Variants in REXO5 observed in about 807,000 individuals in gnomAD.
REXO5 encodes the protein RNA exonuclease 5, also known as exonuclease NEF-sp.
In REXO5, 48 loss-of-function variants were observed where a neutral mutation model predicts 88.5. The ratio of observed to expected loss-of-function variants is 0.54; its 90% CI spans 0.43 to 0.69. The LOEUF (loss-of-function observed/expected upper bound fraction) is 0.69. Among genes scored for constraint, REXO5 ranks in the 30% least tolerant of loss-of-function variants. REXO5 has a pLI of 0.00. For missense variants in REXO5, 749 were observed against 912.2 expected (o/e 0.82, Z 2.30); for synonymous variants, 311 against 336.5 (o/e 0.92, Z 0.83).
intron 18 of REXO5, among the ~76,000 whole-genome samples, chr16:20,845,464 T>G (rs571986679): frequency 6.6e-6 from 1 of 152,268 alleles, no homozygotes; most frequent in African/African-American, 2.4e-5. Context: ...CAAGGGACTT[T>G]GAAGGACAAA....
At chr16:20,839,725 A>G in intron 13 of REXO5, 30 bp from the exon 14 acceptor site, 1 of 1,507,426 alleles carries the variant, frequency 6.6e-7, no homozygotes, top group Non-Finnish European at 9.2e-7. Context: ...TGAGGTTCCT[A>G]CCTTATCCAG....
chr16:20,822,253 G>A (rs2081196485), intron 6 of REXO5, among the ~76,000 whole-genome samples: 1 of 151,874 alleles, frequency 6.6e-6, no homozygotes, highest in Non-Finnish European at 1.5e-5. Context: ...CACTTTTCCA[G>A]TACTTCTAAT....
At chr16:20,842,002 C>T (rs771630589) in intron 15 of REXO5, among the ~76,000 whole-genome samples, 6 of 152,136 alleles carry the variant, frequency 3.9e-5, no homozygotes, top group African/African-American at 4.8e-5. Context: ...GGGACTATAA[C>T]ATCTTCCTTT....
Position 20,844,683 on chromosome 16 carries a change from C to T in REXO5, c.1774C>T (p.Leu592=), listed in dbSNP as rs1271161106. The change falls in exon 17 of 20, where the codon CTG becomes TTG. Residue 592 remains leucine (L), a synonymous_variant. Transcript: ENST00000261377. The part of the protein sequence containing the change: ...TLDCDTLVNE[L]EGDSENQGSI... ...TGATTGTGACACCCTCGTGAATGAG[C>T]TGGAAGGAGATTCTGAAAACCAAGG... 6.2e-7 allele frequency: 1 copy of T among 1,614,158 alleles called. No individual in the cohort carries two copies.
intron 13 of REXO5, 54 bp from the exon 14 acceptor site, chr16:20,839,701 G>T (rs2152511025): frequency 1.7e-6 from 2 of 1,183,366 alleles, no homozygotes; most frequent in South Asian, 1.5e-5. Flanking sequence ...ATATCCAGGA[G>T]CCACAATAGA....
At chr16:20,822,147 AT>A (rs1460997924) in intron 6 of REXO5, among the ~76,000 whole-genome samples, 5 of 152,220 alleles carry the variant, frequency 3.3e-5, no homozygotes, top group Non-Finnish European at 4.4e-5. Context: ...TTGAAATAAT[AT>A]TTAATAAGAA....
intron 15 of REXO5, among the ~76,000 whole-genome samples, chr16:20,842,756 T>A (rs1005495337): frequency 2.0e-5 from 3 of 152,166 alleles, no homozygotes; most frequent in Non-Finnish European, 2.9e-5. Flanking sequence ...TGCCTGACCC[T>A]GGGTTGTTTC....
chr16:20,808,891 C>T (rs1013508994), intron 2 of REXO5: 3 of 151,362 alleles, frequency 2.0e-5, no homozygotes, highest in African/African-American at 7.3e-5. Context: ...GCATGAGCCA[C>T]TGCTTTTTTT....
At chr16:20,825,137 T>A (rs2081241774) in intron 7 of REXO5, among the ~76,000 whole-genome samples, 1 of 152,232 alleles carries the variant, frequency 6.6e-6, no homozygotes, top group African/African-American at 2.4e-5. Flanking sequence ...GCCTTAATTG[T>A]TGGTTTGGCT....
intron 13 of REXO5, among the ~76,000 whole-genome samples, chr16:20,839,271 G>A (rs2152510857): frequency 6.6e-6 from 1 of 152,316 alleles, no homozygotes; most frequent in African/African-American, 2.4e-5. Flanking sequence ...CAAGTGCTGA[G>A]AACTGTCAAA....
chr16:20,838,199 C>G (rs2081466788), intron 13 of REXO5, among the ~76,000 whole-genome samples: 1 of 151,992 alleles, frequency 6.6e-6, no homozygotes, highest in South Asian at 2.1e-4. Flanking sequence ...GTTTTTTCTT[C>G]TTTTTTTGTG....
intron 7 of REXO5, 47 bp from the exon 8 acceptor site, chr16:20,825,786 C>A (rs942218268): frequency 2.3e-6 from 3 of 1,319,946 alleles, no homozygotes; most frequent in South Asian, 2.5e-5. Context: ...TAAGAAGAAG[C>A]AATAACTTCC....
chr16:20,846,688 G>A (rs2152513673), intron 19 of REXO5, among the ~76,000 whole-genome samples: 1 of 152,316 alleles, frequency 6.6e-6, no homozygotes, highest in Middle Eastern at 3.4e-3. Context: ...CTCTACATGT[G>A]AGGAATGTGT....
intron 10 of REXO5, 94 bp from the exon 11 acceptor site, chr16:20,828,341 T>G (rs746011986): frequency 1.3e-6 from 1 of 764,774 alleles, no homozygotes. Context: ...ATCAGAATTC[T>G]AACATTTTAT....
chr16:20,847,277 A>C (rs532472556), intron 19 of REXO5, among the ~76,000 whole-genome samples: 65 of 151,822 alleles, frequency 4.3e-4, no homozygotes, highest in Admixed American at 2.4e-3. Context: ...AAAAAACAAA[A>C]AAAAAAAACC....
At position 20,826,007 on chromosome 16, in the gene REXO5, C is replaced by T. The variant is rs2081255493; in HGVS notation, c.821+59C>T. ...GCTATCGGGCTAGAATGGAATAATA[C>T]TTAAGAATGGCCCACAGCTTCAGTT... is the stretch of plus-strand genomic sequence containing the variant. On this transcript the variant is annotated intron_variant, in intron 8 of 19. Coordinates refer to ENST00000261377, the MANE Select transcript of REXO5 (RefSeq NM_030941.3). 2.7e-6 allele frequency: 3 copies of T among 1,096,772 alleles called. No individual in the cohort carries two copies. In the South Asian group the frequency reaches 4.1e-5, roughly 15 times the overall value. 67.9% of individuals were successfully genotyped at this position (1,096,772 alleles called of 1,614,324 possible).
rs759969702 is a variant in REXO5 at position 20,845,175 on chromosome 16, AC to A, written c.2060del (p.Pro687LeufsTer24). 50 of 1,613,900 alleles carry A rather than the reference AC, an allele frequency of 3.1e-5. No homozygotes were observed. Among genetic ancestry groups the A allele is most frequent in the Non-Finnish European group, 4.0e-5 (47 of 1,180,012 alleles). On this transcript the variant is annotated frameshift_variant, in exon 18 of 20. Transcript: ENST00000261377. LOFTEE classifies it high-confidence loss of function. ...HLHAWLRGLP[P>X]ESTRLPGLRV... ...TCCATGCCTGGCTCAGAGGCTTACC[AC>A]CTGAATCAACAAGGCTCCCAGGGCT... is the stretch of plus-strand genomic sequence containing the variant.
intron 6 of REXO5, among the ~76,000 whole-genome samples, chr16:20,823,281 AT>A (rs944624523): frequency 1.3e-5 from 2 of 152,024 alleles, no homozygotes; most frequent in East Asian, 3.9e-4. Context: ...CATAAATTTT[AT>A]TTTTTTAATT....
intron 6 of REXO5, among the ~76,000 whole-genome samples, chr16:20,823,950 G>A (rs540851911): frequency 2.0e-5 from 3 of 152,258 alleles, no homozygotes; most frequent in Admixed American, 6.5e-5. Flanking sequence ...GACACATATG[G>A]TGAATGTTAC....
Sources: gnomAD v4.1 joint callset for allele counts (sites outside exome capture counted in the v4.1 genomes callset) on GRCh38, gnomAD v4.1.1 for gene constraint, MANE v1.5 for transcripts, NCBI Gene and HGNC (gene_info 2026-07-23, HGNC 2026-07-21) for gene names.